The following CCSER2 variants were observed in gnomAD, a reference collection of about 807,000 sequenced individuals.
The protein encoded by CCSER2 is coiled-coil serine rich protein 2.
In CCSER2, 46 loss-of-function variants were observed where a neutral mutation model predicts 92.3. That is an observed-to-expected ratio of 0.50 (90% CI 0.39 to 0.64). The LOEUF (loss-of-function observed/expected upper bound fraction) is 0.64. Ranked by LOEUF, CCSER2 falls within the 30% of genes least tolerant of loss-of-function variation. The pLI is 0.00. For synonymous variants in CCSER2, 433 were observed against 431.4 expected (o/e 1.00, Z -0.04); for missense variants, 1,244 against 1,238.9 (o/e 1.00, Z -0.06).
intron 9 of CCSER2, among the ~76,000 whole-genome samples, chr10:84,491,971 G>C (rs1196229880): frequency 6.6e-6 from 1 of 152,064 alleles, no homozygotes; most frequent in Non-Finnish European, 1.5e-5. Flanking sequence ...GCTGATTGCT[G>C]ATACTTAGAA....
chr10:84,346,199 G>A (rs1042062506), intron 1 of CCSER2, among the ~76,000 whole-genome samples: 2 of 152,086 alleles, frequency 1.3e-5, no homozygotes, highest in Admixed American at 6.6e-5. Flanking sequence ...CGAGTAGCTG[G>A]GATTACAGGC....
At chr10:84,365,267 A>AT (rs1448151737) in intron 1 of CCSER2, among the ~76,000 whole-genome samples, 2 of 152,268 alleles carry the variant, frequency 1.3e-5, no homozygotes, top group Non-Finnish European at 2.9e-5. Flanking sequence ...TAATGAATGG[A>AT]TTTTTTAGAC....
At chr10:84,337,838 G>T (rs1341704604) in intron 1 of CCSER2, among the ~76,000 whole-genome samples, 1 of 152,194 alleles carries the variant, frequency 6.6e-6, no homozygotes, top group East Asian at 1.9e-4. Context: ...AGGGGCAGGA[G>T]AGAGGGTATT....
chr10:84,347,512 C>T (rs1217483339), intron 1 of CCSER2, among the ~76,000 whole-genome samples: 96 of 151,110 alleles, frequency 6.4e-4, no homozygotes, highest in African/African-American at 2.0e-3. Flanking sequence ...GGGCTGACCC[C>T]CCACCTCCCT....
chr10:84,425,260 G>T, intron 4 of CCSER2: 1 of 623,864 alleles, frequency 1.6e-6, no homozygotes, highest in Non-Finnish European at 2.0e-6. Context: ...ATTTGTTTGT[G>T]ATGAAAAGTT....
chr10:84,422,591 A>G (rs998837535), intron 4 of CCSER2, among the ~76,000 whole-genome samples: 1 of 152,140 alleles, frequency 6.6e-6, no homozygotes, highest in South Asian at 2.1e-4. Context: ...TCTCACCTGC[A>G]TCTGCATCTG....
At chr10:84,418,084 G>A (rs1694288652) in intron 4 of CCSER2, among the ~76,000 whole-genome samples, 1 of 152,110 alleles carries the variant, frequency 6.6e-6, no homozygotes, top group African/African-American at 2.4e-5. Context: ...CAATAACATT[G>A]TATACCATAA....
At chr10:84,439,412 T>C (rs955271081) in intron 6 of CCSER2, among the ~76,000 whole-genome samples, 6 of 152,208 alleles carry the variant, frequency 3.9e-5, no homozygotes, top group Non-Finnish European at 7.3e-5. Flanking sequence ...TCTGTATTTG[T>C]ACTTTGTAGA....
At chr10:84,356,271 T>C (rs1008962143) in intron 1 of CCSER2, among the ~76,000 whole-genome samples, 1 of 152,134 alleles carries the variant, frequency 6.6e-6, no homozygotes, top group Non-Finnish European at 1.5e-5. Context: ...CACCTAACTT[T>C]AGTCACTTTG....
chr10:84,467,011 G>A (rs1256582799), intron 7 of CCSER2, among the ~76,000 whole-genome samples: 1 of 151,924 alleles, frequency 6.6e-6, no homozygotes, highest in East Asian at 1.9e-4. Context: ...CTACTTTCTT[G>A]TCATTATTTG....
chr10:84,437,438 C>T (rs200245543), intron 5 of CCSER2, among the ~76,000 whole-genome samples: 1 of 151,952 alleles, frequency 6.6e-6, no homozygotes, highest in Non-Finnish European at 1.5e-5. Context: ...CGCTTGAACT[C>T]CGGAGGCAGA....
intron 7 of CCSER2, among the ~76,000 whole-genome samples, chr10:84,466,395 C>G (rs1846430918): frequency 6.6e-6 from 1 of 152,184 alleles, no homozygotes; most frequent in Non-Finnish European, 1.5e-5. Context: ...ATAGCTCTCT[C>G]CAAGTTCCAT....
intron 3 of CCSER2, among the ~76,000 whole-genome samples, chr10:84,398,702 T>G (rs980144857): frequency 2.0e-5 from 3 of 152,130 alleles, no homozygotes; most frequent in African/African-American, 7.2e-5. Context: ...GAAGAGAAAT[T>G]TGTAAAGAAT....
intron 3 of CCSER2, among the ~76,000 whole-genome samples, chr10:84,410,394 G>C (rs911399520): frequency 9.9e-5 from 15 of 152,274 alleles, no homozygotes; most frequent in African/African-American, 3.4e-4. Context: ...GTGTAAAAGT[G>C]TTCCTTTTTC....
chr10:84,388,151 C>T (rs11593869), intron 3 of CCSER2, among the ~76,000 whole-genome samples: 19,285 of 152,284 alleles, frequency 0.13, 1,497 homozygotes, highest in Admixed American at 0.23. Context: ...CGCTCCTGGC[C>T]TGGGCTTTTC....
At chr10:84,343,515 G>A (rs1385330626) in intron 1 of CCSER2, among the ~76,000 whole-genome samples, 3 of 152,174 alleles carry the variant, frequency 2.0e-5, no homozygotes, top group South Asian at 4.1e-4. Flanking sequence ...CAGTAGGAAC[G>A]CCAAACACAA....
At chr10:84,471,965 T>C (rs1269712097) in intron 8 of CCSER2, among the ~76,000 whole-genome samples, 1 of 152,074 alleles carries the variant, frequency 6.6e-6, no homozygotes, top group East Asian at 1.9e-4. Context: ...ACATTCTTAA[T>C]TTTAAAAAAT....
intron 4 of CCSER2, among the ~76,000 whole-genome samples, chr10:84,420,651 G>GGGCA (rs1843093759): frequency 6.6e-6 from 1 of 151,882 alleles, no homozygotes; most frequent in South Asian, 2.1e-4. Flanking sequence ...ATTTAGATGG[G>GGGCA]GGCCAGGCAT....
intron 9 of CCSER2, among the ~76,000 whole-genome samples, chr10:84,487,344 A>G (rs1443157820): frequency 6.6e-6 from 1 of 152,130 alleles, no homozygotes; most frequent in Non-Finnish European, 1.5e-5. Context: ...CAGTAAGGCC[A>G]TTTTCATGAT....
Sources: allele counts gnomAD v4.1 joint callset (sites outside exome capture counted in the v4.1 genomes callset), GRCh38; gene constraint gnomAD v4.1.1; transcripts MANE v1.5; gene names NCBI Gene and HGNC (gene_info 2026-07-23, HGNC 2026-07-21).